CHSY1: variants seen among roughly 807,000 people sequenced by gnomAD.
The protein encoded by CHSY1 is chondroitin sulfate synthase 1, also known as N-acetylgalactosaminyl-proteoglycan 3-beta-glucuronosyltransferase 1.
CHSY1 carries 13 observed loss-of-function variants against 59.8 expected under a neutral mutation model. That is an observed-to-expected ratio of 0.22 (90% CI 0.14 to 0.35). The LOEUF (loss-of-function observed/expected upper bound fraction) is 0.35, where lower values mean the gene tolerates loss of function less well. Ranked by LOEUF, CHSY1 falls within the 10% of genes least tolerant of loss-of-function variation. The pLI is 1.00. For missense variants in CHSY1, 947 were observed against 1,030.6 expected, an observed-to-expected ratio of 0.92 and a Z score of 1.11; for synonymous variants, 459 against 401.2, an observed-to-expected ratio of 1.14 and a Z score of -1.72.
intron 1 of CHSY1, among the ~76,000 whole-genome samples, chr15:101,248,589 G>A (rs868205001): frequency 2.0e-5 from 3 of 152,088 alleles, no homozygotes; most frequent in East Asian, 1.9e-4. Context: ...CCCCGCCTGG[G>A]GGCAAACTGT....
intron 1 of CHSY1, among the ~76,000 whole-genome samples, chr15:101,238,446 C>G (rs2038968974): frequency 6.6e-6 from 1 of 152,226 alleles, no homozygotes; most frequent in Non-Finnish European, 1.5e-5. Flanking sequence ...TGGAATTCGA[C>G]TTTCTGCCAA....
intron 2 of CHSY1, among the ~76,000 whole-genome samples, chr15:101,214,387 CTTTT>C (rs772092695): frequency 6.6e-6 from 1 of 152,162 alleles, no homozygotes; most frequent in Non-Finnish European, 1.5e-5. Flanking sequence ...ACCTTACGTC[CTTTT>C]TTTAGGAAGA....
intron 2 of CHSY1, among the ~76,000 whole-genome samples, chr15:101,196,300 CA>C (rs1427534865): frequency 1.3e-5 from 2 of 150,772 alleles, no homozygotes; most frequent in Non-Finnish European, 3.0e-5. Context: ...TCATGAGATC[CA>C]TAAGTATAAA....
chr15:101,246,577 G>A (rs2039055258), intron 1 of CHSY1, among the ~76,000 whole-genome samples: 1 of 152,164 alleles, frequency 6.6e-6, no homozygotes, highest in Non-Finnish European at 1.5e-5. Context: ...AAAACATGAA[G>A]TCCAGAAACA....
Position 101,252,004 on chromosome 15 carries a change from C to T in CHSY1, c.-548G>A, listed in dbSNP as rs1024568345. ...GCCCCGCCGGCGGCGAGCCGTGGCC[C>T]CTCTCGGGATCCGTCCGCGCCGCGC... On this transcript the variant is annotated 5_prime_UTR_variant, in exon 1 of 3. Coordinates refer to ENST00000254190, the MANE Select transcript of CHSY1 (RefSeq NM_014918.5). 1 of 151,142 alleles carries T rather than the reference C, an allele frequency of 6.6e-6. No individual in the cohort carries two copies. Among genetic ancestry groups the T allele is most frequent in the Non-Finnish European group, 1.5e-5 (1 of 67,752 alleles). 9.4% of individuals were successfully genotyped at this position (151,142 alleles called of 1,614,324 possible).
At chr15:101,181,328 C>T (rs77824585) in intron 2 of CHSY1, among the ~76,000 whole-genome samples, 2,791 of 152,340 alleles carry the variant, frequency 0.018, 38 homozygotes, top group East Asian at 0.097. Flanking sequence ...AGAGATTCTA[C>T]ATGTATTTGT....
Position 101,251,141 on chromosome 15 carries a change from A to G in CHSY1, c.316T>C (p.Tyr106His). The change falls in exon 1 of 3, where the codon TAC becomes CAC. Residue 106 changes from tyrosine (Y) to histidine (H), a missense_variant. Tyr to His is a moderately conservative substitution (Grantham distance 83). Around this residue, in one of 4 missense-constraint regions of CHSY1, gnomAD observed 232 missense variants for 188.5 expected, o/e 1.23. Coordinates refer to ENST00000254190, the MANE Select transcript of CHSY1 (RefSeq NM_014918.5). The stretch of plus-strand genomic sequence containing the variant: ...GCCCGGGGAGCAGGGGCTCACCTGT[A>G]GGCGGCCACGGCCCGAGTCTGCAGG... Reference protein sequence around the residue: ...KYLQTRAVAAYRTWSKTIPGK... With the variant: ...KYLQTRAVAAHRTWSKTIPGK... The G allele has an allele frequency of 6.3e-7, 1 of 1,584,986 alleles. No homozygotes were observed.
At position 101,179,097 on chromosome 15, in the gene CHSY1, G is replaced by A. The variant is rs2038240264; in HGVS notation, c.817-117C>T. 18 of 1,014,652 alleles carry A rather than the reference G, an allele frequency of 1.8e-5. No homozygotes were observed. In the South Asian group the frequency reaches 2.4e-4, roughly 14 times the overall value. The allele number at this position is 1,014,652 out of a possible 1,614,324, so 62.9% of individuals were successfully genotyped here. On this transcript the variant is annotated intron_variant, in intron 2 of 2. Transcript: ENST00000254190. ...CTGAATGGACCACAGCACACAAAAG[G>A]CCCTAGATAAGGCCCGATCAACAGC...
Position 101,176,779 on chromosome 15 carries a change from G to C in CHSY1, c.*609C>G. 5.3e-6 allele frequency: 1 copy of C among 188,882 alleles called. No individual in the cohort carries two copies. Among genetic ancestry groups the C allele is most frequent in the Non-Finnish European group, 1.1e-5 (1 of 93,006 alleles). 11.7% of individuals were successfully genotyped at this position (188,882 alleles called of 1,614,324 possible). A position where few individuals can be genotyped will look rare whatever the true frequency, so the allele number is the denominator to read the frequency against. ...CCACTGCATTCCAGCCTGGGTAACA[G>C]AGTGAGACTCCGTCTCAAAAAAAGA... is the stretch of plus-strand genomic sequence containing the variant. On this transcript the variant is annotated 3_prime_UTR_variant, in exon 3 of 3. Transcript: ENST00000254190.
At chr15:101,185,796 G>A (rs1007827322) in intron 2 of CHSY1, among the ~76,000 whole-genome samples, 3 of 148,912 alleles carry the variant, frequency 2.0e-5, no homozygotes, top group Non-Finnish European at 4.4e-5. Flanking sequence ...TTTCTTTGAG[G>A]ATGCGTATTT....
At chr15:101,242,931 A>G (rs1320575119) in intron 1 of CHSY1, among the ~76,000 whole-genome samples, 1 of 152,230 alleles carries the variant, frequency 6.6e-6, no homozygotes, top group Admixed American at 6.5e-5. Context: ...AGGTGGGAAA[A>G]TGTAACAGAG....
intron 2 of CHSY1, among the ~76,000 whole-genome samples, chr15:101,179,538 G>C (rs950123300): frequency 6.6e-6 from 1 of 152,222 alleles, no homozygotes; most frequent in African/African-American, 2.4e-5. Flanking sequence ...CTGCAGGGAT[G>C]AATCAAGGCT....
At chr15:101,189,155 C>T (rs1411582488) in intron 2 of CHSY1, among the ~76,000 whole-genome samples, 2 of 152,214 alleles carry the variant, frequency 1.3e-5, no homozygotes, top group African/African-American at 2.4e-5. Context: ...GCGAGCGTGG[C>T]GGGCGAAAGA....
chr15:101,215,954 A>G (rs985138132), intron 2 of CHSY1, among the ~76,000 whole-genome samples: 3 of 152,220 alleles, frequency 2.0e-5, no homozygotes, highest in Non-Finnish European at 4.4e-5. Flanking sequence ...ATGAACAATC[A>G]TAAAAAGAAC....
intron 2 of CHSY1, among the ~76,000 whole-genome samples, chr15:101,217,553 T>C (rs941076638): frequency 2.0e-5 from 3 of 151,962 alleles, no homozygotes; most frequent in South Asian, 2.1e-4. Context: ...ATACACGAGA[T>C]GAGCCTGGAG....
intron 1 of CHSY1, among the ~76,000 whole-genome samples, chr15:101,240,267 T>A (rs1461601972): frequency 1.3e-5 from 2 of 152,204 alleles, no homozygotes; most frequent in Non-Finnish European, 2.9e-5. Context: ...AAATCGTGAT[T>A]CACCACCATC....
At chr15:101,213,549 T>A (rs901355307) in intron 2 of CHSY1, among the ~76,000 whole-genome samples, 2 of 152,156 alleles carry the variant, frequency 1.3e-5, no homozygotes, top group African/African-American at 4.8e-5. Flanking sequence ...AAATTTAAAA[T>A]AAGGAAATGT....
intron 1 of CHSY1, among the ~76,000 whole-genome samples, chr15:101,239,556 A>G (rs1354984469): frequency 6.6e-6 from 1 of 152,246 alleles, no homozygotes; most frequent in African/African-American, 2.4e-5. Context: ...TAAACAGCTT[A>G]GAAGCCTGCC....
chr15:101,184,380 A>G (rs1294551153), intron 2 of CHSY1, among the ~76,000 whole-genome samples: 1 of 150,504 alleles, frequency 6.6e-6, no homozygotes, highest in Admixed American at 6.7e-5. Context: ...ACATATATAT[A>G]TAATTTTTTT....
Sources: gnomAD v4.1 joint callset for allele counts (sites outside exome capture counted in the v4.1 genomes callset) on GRCh38, gnomAD v4.1.1 for gene constraint, gnomAD v4.1.1 regional missense constraint, MANE v1.5 for transcripts, NCBI Gene and HGNC (gene_info 2026-07-23, HGNC 2026-07-21) for gene names.